RASSF3: variants seen among roughly 807,000 people sequenced by gnomAD.
The protein encoded by RASSF3 is Ras association domain family member 3.
A neutral mutation model predicts 19.9 loss-of-function variants in RASSF3; 19 were observed. That is an observed-to-expected ratio of 0.96 (90% CI 0.67 to 1.40). The LOEUF is 1.40. Among genes scored for constraint, RASSF3 ranks in the 40% most tolerant of loss-of-function variants. The probability of loss-of-function intolerance (pLI) is 0.00; values close to 1 mark genes in which losing one functional copy is unlikely to be tolerated. For synonymous variants in RASSF3, 110 were observed against 104.2 expected (o/e 1.06, Z -0.34); for missense variants, 306 against 289.8 (o/e 1.06, Z -0.41).
At chr12:64,682,436 G>A (rs962881442) in intron 1 of RASSF3, among the ~76,000 whole-genome samples, 3 of 151,898 alleles carry the variant, frequency 2.0e-5, no homozygotes, top group Admixed American at 1.3e-4. Context: ...GCGTGGTGGC[G>A]GGCGCCTGTA....
At chr12:64,629,245 G>T (rs533873329) in intron 1 of RASSF3, among the ~76,000 whole-genome samples, 5 of 152,014 alleles carry the variant, frequency 3.3e-5, no homozygotes, top group African/African-American at 9.6e-5. Context: ...AGGACTACAG[G>T]TACGTGCCAC....
intron 2 of RASSF3, among the ~76,000 whole-genome samples, chr12:64,559,822 C>G (rs759211973): frequency 6.6e-6 from 1 of 152,230 alleles, no homozygotes; most frequent in African/African-American, 2.4e-5. Flanking sequence ...ACTCCCAAAT[C>G]TGATTCCAAA....
chr12:64,690,138 T>G (rs1162878394), intron 3 of RASSF3, among the ~76,000 whole-genome samples: 1 of 151,166 alleles, frequency 6.6e-6, no homozygotes, highest in Non-Finnish European at 1.5e-5. Context: ...AGAACTCTTG[T>G]TTTTATGTTC....
At chr12:64,633,397 A>T (rs1263533008) in intron 1 of RASSF3, among the ~76,000 whole-genome samples, 1 of 152,064 alleles carries the variant, frequency 6.6e-6, no homozygotes, top group Non-Finnish European at 1.5e-5. Flanking sequence ...GTGATATGTG[A>T]GTTCTTACTC....
At chr12:64,650,760 T>G (rs1284854850) in intron 1 of RASSF3, among the ~76,000 whole-genome samples, 1 of 152,296 alleles carries the variant, frequency 6.6e-6, no homozygotes, top group East Asian at 1.9e-4. Context: ...AAAAAAAGTC[T>G]TTTCCTGTAC....
intron 2 of RASSF3, among the ~76,000 whole-genome samples, chr12:64,569,754 T>C (rs1869488007): frequency 6.6e-6 from 1 of 152,150 alleles, no homozygotes; most frequent in African/African-American, 2.4e-5. Flanking sequence ...TCACTTGAGA[T>C]TGGGAGTTCA....
intron 4 of RASSF3, among the ~76,000 whole-genome samples, chr12:64,694,314 C>G (rs1034097327): frequency 6.6e-6 from 1 of 152,040 alleles, no homozygotes; most frequent in Non-Finnish European, 1.5e-5. Context: ...TAGCTAGCAC[C>G]AAGGGGCCGT....
At chr12:64,602,272 A>G (rs940310658) in intron 2 of RASSF3, among the ~76,000 whole-genome samples, 1 of 143,576 alleles carries the variant, frequency 7.0e-6, no homozygotes, top group Non-Finnish European at 1.5e-5. Context: ...CCTCATCTCT[A>G]TTTTTTTTTT....
upstream of RASSF3, among the ~76,000 whole-genome samples, chr12:64,532,674 T>A (rs879427167): frequency 5.9e-4 from 83 of 140,430 alleles, 1 homozygote; most frequent in Non-Finnish European, 8.3e-4. Flanking sequence ...AAAAAAAAAA[T>A]TTTTTTTTTA....
chr12:64,536,879 C>A (rs1240915891), intron 1 of RASSF3, among the ~76,000 whole-genome samples: 3 of 152,234 alleles, frequency 2.0e-5, no homozygotes, highest in Non-Finnish European at 4.4e-5. Flanking sequence ...TTACTCCATC[C>A]ACTGCCTGGC....
chr12:64,694,835 C>T lies in RASSF3; in HGVS notation c.640C>T (p.Gln214Ter). 1.2e-6 allele frequency: 2 copies of T among 1,614,246 alleles called. No homozygotes were observed. The highest frequency in any genetic ancestry group is 1.7e-6 in the Non-Finnish European group (2 of 1,180,034). Residue 214 changes from glutamine to a stop codon, truncating the protein, a stop_gained, in exon 5 of 5, where the codon CAG becomes TAG. Transcript: ENST00000542104. LOFTEE classifies it low-confidence loss of function (END_TRUNC). ...GGACAAGGAAGAAGATGAACAGCTGCAGAACCTGAAGAGGCGCTACACAGC... is the reference window on the plus strand; with the variant it reads ...GGACAAGGAAGAAGATGAACAGCTGTAGAACCTGAAGAGGCGCTACACAGC... ...ILDKEEDEQL[Q>*]NLKRRYTAYR...
chr12:64,665,884 G>GC (rs1472296660), intron 1 of RASSF3, among the ~76,000 whole-genome samples: 2 of 152,174 alleles, frequency 1.3e-5, no homozygotes, highest in African/African-American at 4.8e-5. Flanking sequence ...GAGCTTGCCT[G>GC]CCCTTCATCA....
At chr12:64,626,500 AAAAAAG>A in intron 1 of RASSF3, among the ~76,000 whole-genome samples, 1 of 151,674 alleles carries the variant, frequency 6.6e-6, no homozygotes. Flanking sequence ...AAAAAAAAAA[AAAAAAG>A]AAAAAAAAAG....
chr12:64,594,415 C>T (rs1869968384), intron 2 of RASSF3, among the ~76,000 whole-genome samples: 1 of 152,076 alleles, frequency 6.6e-6, no homozygotes, highest in African/African-American at 2.4e-5. Context: ...CCTCTCCTCC[C>T]ACCAATAAAG....
intron 2 of RASSF3, among the ~76,000 whole-genome samples, chr12:64,561,384 T>C (rs1371698426): frequency 6.6e-6 from 1 of 152,212 alleles, no homozygotes; most frequent in East Asian, 1.9e-4. Flanking sequence ...ATTGGACCAT[T>C]TTATTTTGTG....
intron 1 of RASSF3, among the ~76,000 whole-genome samples, chr12:64,636,212 G>A (rs925027414): frequency 1.1e-4 from 16 of 151,856 alleles, no homozygotes; most frequent in African/African-American, 3.9e-4. Flanking sequence ...CGCTTGCCAG[G>A]TTCAAGCAAT....
intron 1 of RASSF3, among the ~76,000 whole-genome samples, chr12:64,527,963 A>T (rs1417324861): frequency 6.6e-6 from 1 of 152,038 alleles, no homozygotes; most frequent in Non-Finnish European, 1.5e-5. Context: ...TTTAAATTTT[A>T]AAAAATTGAT....
chr12:64,507,019 A>G (rs994698663), exon 1 of RASSF3: 4 of 395,628 alleles, frequency 1.0e-5, no homozygotes, highest in African/African-American at 8.2e-5. Flanking sequence ...GTTTCTAGTT[A>G]TGAGGGCCAA....
At chr12:64,645,650 A>G (rs1871705351) in intron 1 of RASSF3, among the ~76,000 whole-genome samples, 1 of 152,212 alleles carries the variant, frequency 6.6e-6, no homozygotes. Context: ...CCTTACCAAA[A>G]AAAGAGAAAA....
Sources: allele counts gnomAD v4.1 joint callset (sites outside exome capture counted in the v4.1 genomes callset), GRCh38; gene constraint gnomAD v4.1.1; transcripts MANE v1.5; gene names NCBI Gene and HGNC (gene_info 2026-07-23, HGNC 2026-07-21).